Variants in SLC6A17 observed in about 807,000 individuals in gnomAD.
SLC6A17 encodes solute carrier family 6 member 17.
A neutral mutation model predicts 64.5 loss-of-function variants in SLC6A17; 21 were observed. The observed-to-expected ratio is 0.33, with a 90% confidence interval of 0.23 to 0.47. The LOEUF (loss-of-function observed/expected upper bound fraction) is 0.47. Among genes scored for constraint, SLC6A17 ranks in the 20% least tolerant of loss-of-function variants. The pLI, the probability that SLC6A17 is intolerant of heterozygous loss-of-function variation, is 1.00. For missense variants in SLC6A17, 682 were observed against 963.2 expected, an observed-to-expected ratio of 0.71 and a Z score of 3.86; for synonymous variants, 372 against 399.5, an observed-to-expected ratio of 0.93 and a Z score of 0.82.
intron 1 of SLC6A17, among the ~76,000 whole-genome samples, chr1:110,162,820 A>G (rs111743067): frequency 0.025 from 3,750 of 152,144 alleles, 157 homozygotes; most frequent in African/African-American, 0.085. Flanking sequence ...GGGTGCCGGC[A>G]TGGTTCTAAG....
chr1:110,181,456 C>T (rs1270963918), intron 6 of SLC6A17, among the ~76,000 whole-genome samples: 1 of 152,200 alleles, frequency 6.6e-6, no homozygotes, highest in Non-Finnish European at 1.5e-5. Flanking sequence ...TATTGAACAC[C>T]TGTTACGTGC....
chr1:110,185,612 G>A (rs901986844), intron 6 of SLC6A17, among the ~76,000 whole-genome samples: 1 of 152,222 alleles, frequency 6.6e-6, no homozygotes, highest in African/African-American at 2.4e-5. Flanking sequence ...CAGACACCCC[G>A]AGGAGGGGGC....
intron 1 of SLC6A17, among the ~76,000 whole-genome samples, chr1:110,165,774 C>T (rs1295753795): frequency 6.6e-6 from 1 of 152,120 alleles, no homozygotes; most frequent in African/African-American, 2.4e-5. Flanking sequence ...GCCCAGCTTC[C>T]AGAGACAGCT....
intron 6 of SLC6A17, among the ~76,000 whole-genome samples, chr1:110,183,282 C>G (rs1037836265): frequency 2.0e-5 from 3 of 152,090 alleles, no homozygotes; most frequent in African/African-American, 7.2e-5. Flanking sequence ...GGATATTATC[C>G]AGCCATAAAA....
chr1:110,173,893 GTGCTGGGCCTC>G, intron 3 of SLC6A17, 69 bp from the exon 4 acceptor site: 3 of 1,558,116 alleles, frequency 1.9e-6, no homozygotes, highest in Non-Finnish European at 1.7e-6. Flanking sequence ...CGCTGCCGAC[GTGCTGGGCCTC>G]GGGTGGAGCG....
At position 110,187,975 on chromosome 1, in the gene SLC6A17, C is replaced by G. The variant is rs1656728699; in HGVS notation, c.865-3997C>G. ...CCAAAATCCAAATAGCCATGAAAAA[C>G]AAAAATTGGTTTGGTTTGGTTTTGA... On this transcript the variant is annotated intron_variant, in intron 6 of 11. Coordinates refer to ENST00000331565, the MANE Select transcript of SLC6A17 (RefSeq NM_001010898.4). 2.0e-5 allele frequency among the ~76,000 whole-genome samples: 3 copies of G among 152,136 alleles called. No individual in the cohort carries two copies. The South Asian group carries it at 6.2e-4, about 31-fold the overall frequency.
intron 6 of SLC6A17, among the ~76,000 whole-genome samples, chr1:110,187,189 G>A (rs1158200326): frequency 2.5e-5 from 2 of 79,420 alleles, no homozygotes; most frequent in Non-Finnish European, 7.6e-5. Context: ...ATTGAGCAAT[G>A]AACAATTCGC....
chr1:110,198,415 C>G lies in SLC6A17; in HGVS notation c.2155C>G (p.Leu719Val), dbSNP rs1657031052. Residue 719 changes from leucine (L) to valine (V), a missense_variant, in exon 12 of 12, where the codon CTG becomes GTG. Physicochemically the swap from Leu to Val is conservative, Grantham distance 32. Around this residue, in one of 3 missense-constraint regions of SLC6A17, gnomAD observed 264 missense variants for 339.5 expected, o/e 0.78. Transcript: ENST00000331565. ...PNGRYGSGYLLASTPESEL is the reference protein window; with the variant it reads ...PNGRYGSGYLVASTPESEL ...TGGACGCTATGGGAGCGGCTACCTG[C>G]TGGCCAGCACCCCTGAGTCGGAGCT... 2 of 1,612,750 alleles carry G rather than the reference C, an allele frequency of 1.2e-6. No homozygotes were observed. The highest frequency in any genetic ancestry group is 1.7e-6 in the Non-Finnish European group (2 of 1,179,492).
chr1:110,166,983 TG>T lies in SLC6A17; in HGVS notation c.55del (p.Glu19SerfsTer20). The stretch of plus-strand genomic sequence containing the variant: ...GTGAGCACAGCAGTGAGCATGTCAC[TG>T]AGTCCGTGGCCGACCTGCTGGCCCT... ...QREHSSEHVT[E>X]SVADLLALEE... On this transcript the variant is annotated frameshift_variant, in exon 2 of 12. Transcript: ENST00000331565. LOFTEE classifies it high-confidence loss of function. 6.2e-7 allele frequency: 1 copy of T among 1,613,818 alleles called. No individual in the cohort carries two copies. Among genetic ancestry groups the T allele is most frequent in the Non-Finnish European group, 8.5e-7 (1 of 1,179,912 alleles).
In SLC6A17 at chr1:110,183,690, T is replaced by C. The variant is rs1156335562; in HGVS notation, c.864+6951T>C. Among the ~76,000 whole-genome samples, 5 of 151,714 alleles carry C rather than the reference T, an allele frequency of 3.3e-5. No homozygotes were observed. The East Asian group carries it at 9.7e-4, about 29-fold the overall frequency. ...AGACTGCAGTGCTCAGCTGGAAGAG[T>C]TGGTCTCAGCTAGGACCACACACAG... On this transcript the variant is annotated intron_variant, in intron 6 of 11. Transcript: ENST00000331565.
intron 1 of SLC6A17, 87 bp from the exon 2 acceptor site, chr1:110,166,756 G>A (rs1350777551): frequency 5.4e-6 from 4 of 745,812 alleles, no homozygotes; most frequent in Non-Finnish European, 8.3e-6. Flanking sequence ...CAGTGTGATG[G>A]GGAGTTAATT....
chr1:110,173,895 G>GAAT, intron 3 of SLC6A17, 78 bp from the exon 4 acceptor site: 1 of 1,525,554 alleles, frequency 6.6e-7, no homozygotes, highest in Non-Finnish European at 8.8e-7. Context: ...CTGCCGACGT[G>GAAT]CTGGGCCTCG....
chr1:110,158,370 CCT>C (rs1270008042), intron 1 of SLC6A17, among the ~76,000 whole-genome samples: 2 of 152,240 alleles, frequency 1.3e-5, no homozygotes, highest in Non-Finnish European at 2.9e-5. Flanking sequence ...CCCAGTATCC[CCT>C]GTCAGCCCAC....
chr1:110,159,330 C>T (rs563558777), intron 1 of SLC6A17, among the ~76,000 whole-genome samples: 6 of 152,308 alleles, frequency 3.9e-5, no homozygotes, highest in East Asian at 1.9e-4. Flanking sequence ...CGTTCTCCCA[C>T]GTGAGATGGT....
chr1:110,174,025 T>C lies in SLC6A17; in HGVS notation c.497T>C (p.Phe166Ser). 6.2e-7 allele frequency: 1 copy of C among 1,614,214 alleles called. No homozygotes were observed. Among genetic ancestry groups the C allele is most frequent in the Non-Finnish European group, 8.5e-7 (1 of 1,180,038 alleles). The part of the protein sequence containing the change: ...YYNVIIGWSI[F>S]YFFKSFQYPL... ...AATGTGATCATCGGGTGGAGCATCT[T>C]CTATTTCTTCAAGTCCTTCCAGTAC... Residue 166 changes from phenylalanine (F) to serine (S), a missense_variant, in exon 4 of 12, where the codon TTC becomes TCC. Physicochemically the swap from Phe to Ser is radical, Grantham distance 155. This residue lies in a region of SLC6A17 where 415 missense variants were observed against 603.8 expected (regional missense o/e 0.69). Coordinates refer to ENST00000331565, the MANE Select transcript of SLC6A17 (RefSeq NM_001010898.4).
chr1:110,172,300 G>A (rs1656263804), intron 3 of SLC6A17, 83 bp downstream of exon 3: 1 of 1,482,602 alleles, frequency 6.7e-7, no homozygotes, highest in Non-Finnish European at 9.0e-7. Context: ...CGAGTTTCCA[G>A]GCCAGAGTCC....
At position 110,192,906 on chromosome 1, in the gene SLC6A17, A is replaced by T. The variant is rs1656868965; in HGVS notation, c.1299+208A>T. On this transcript the variant is annotated intron_variant, in intron 8 of 11. Coordinates refer to ENST00000331565, the MANE Select transcript of SLC6A17 (RefSeq NM_001010898.4). The surrounding 1 kb of genome is among the most constrained non-coding windows in gnomAD (Gnocchi z 4.3). ...CCAGAGGTAGGCTTGAGCCTAGACA[A>T]GAAGTAGGGCAGACACACACCTCTC... 6.6e-6 allele frequency among the ~76,000 whole-genome samples: 1 copy of T among 152,244 alleles called. No homozygotes were observed. Among genetic ancestry groups the T allele is most frequent in the Non-Finnish European group, 1.5e-5 (1 of 68,036 alleles).
Position 110,172,048 on chromosome 1 carries a change from C to T in SLC6A17, c.287-12C>T, listed in dbSNP as rs753306134. The T allele has an allele frequency of 6.2e-6, 10 of 1,613,540 alleles. No homozygotes were observed. The highest frequency in any genetic ancestry group is 1.7e-4 in the Middle Eastern group (1 of 6,056). On this transcript the variant is annotated splice_polypyrimidine_tract_variant and intron_variant, in intron 2 of 11. Coordinates refer to ENST00000331565, the MANE Select transcript of SLC6A17 (RefSeq NM_001010898.4). ...CCAGAGCCCCTCTGCCATCCCTCTG[C>T]TCTCCCCACAGGTGCTTACCTGGTG...
intron 1 of SLC6A17, 149 bp downstream of exon 1, chr1:110,151,032 G>T (rs1489910790): frequency 2.0e-5 from 3 of 152,360 alleles, no homozygotes; most frequent in Admixed American, 1.3e-4. Flanking sequence ...CTCGTCCCGG[G>T]CTCCTCTCGC....
Sources: gnomAD v4.1 joint callset for allele counts (sites outside exome capture counted in the v4.1 genomes callset) on GRCh38, gnomAD v4.1.1 for gene constraint, gnomAD v4.1.1 regional missense constraint, Gnocchi (gnomAD v3.1) non-coding constraint, MANE v1.5 for transcripts, NCBI Gene and HGNC (gene_info 2026-07-23, HGNC 2026-07-21) for gene names.